Variants in MSRA observed in about 807,000 individuals in gnomAD.
MSRA encodes the protein mitochondrial peptide methionine sulfoxide reductase.
MSRA carries 54 observed loss-of-function variants against 31.3 expected under a neutral mutation model. The ratio of observed to expected loss-of-function variants is 1.73; its 90% CI spans 1.39 to 2.17. The LOEUF is 2.17. Among genes scored for constraint, MSRA ranks in the 30% most tolerant of loss-of-function variants. The probability of loss-of-function intolerance (pLI) is 0.00; values close to 1 mark genes in which losing one functional copy is unlikely to be tolerated. For missense variants in MSRA, 507 were observed against 300.9 expected (o/e 1.69, Z -5.07); for synonymous variants, 169 against 116.5 (o/e 1.45, Z -2.90).
At chr8:10,165,721 T>G (rs1805066971) in intron 1 of MSRA, among the ~76,000 whole-genome samples, 1 of 152,216 alleles carries the variant, frequency 6.6e-6, no homozygotes, top group African/African-American at 2.4e-5. Flanking sequence ...ACATTGTAGC[T>G]GGAATCTGAG....
chr8:10,096,386 T>C (rs2128929989), intron 1 of MSRA: 1 of 748,758 alleles, frequency 1.3e-6, no homozygotes, highest in Non-Finnish European at 1.6e-6. Context: ...GGTGGGGAGG[T>C]GTCTATGTCT....
chr8:10,169,349 G>T (rs529774297), intron 1 of MSRA, among the ~76,000 whole-genome samples: 2 of 152,326 alleles, frequency 1.3e-5, no homozygotes, highest in South Asian at 4.1e-4. Context: ...GTATTCAGCT[G>T]TGTGAGTATG....
chr8:10,136,857 CT>C (rs1213746216), intron 1 of MSRA, among the ~76,000 whole-genome samples: 1 of 152,314 alleles, frequency 6.6e-6, no homozygotes, highest in East Asian at 1.9e-4. Context: ...AAAATTAGAA[CT>C]TGTGTCTTCT....
At chr8:10,211,312 A>C (rs1809473760) in intron 2 of MSRA, among the ~76,000 whole-genome samples, 1 of 152,160 alleles carries the variant, frequency 6.6e-6, no homozygotes, top group Non-Finnish European at 1.5e-5. Context: ...AGATTTTCTT[A>C]TGTAGCCCAA....
rs565209865 is a variant in MSRA, at chr8:10,391,634, C to T, written c.544-36514C>T. 2.6e-5 allele frequency among the ~76,000 whole-genome samples: 4 copies of T among 152,322 alleles called. No individual in the cohort carries two copies. In the South Asian group the frequency reaches 8.3e-4, roughly 32 times the overall value. On this transcript the variant is annotated intron_variant, in intron 5 of 5. Coordinates refer to ENST00000317173, the MANE Select transcript of MSRA (RefSeq NM_012331.5). ...AGGATACTGGGTGAGTTCCCTGGGC[C>T]ACACACTGGCCATCTGACCTGAGGC...
chr8:10,340,131 C>T (rs1007371600), intron 5 of MSRA, among the ~76,000 whole-genome samples: 7 of 152,128 alleles, frequency 4.6e-5, no homozygotes, highest in African/African-American at 1.7e-4. Context: ...GAGGCAGCCG[C>T]TTGAGACCAC....
At chr8:10,404,540 G>A (rs1051223270) in intron 5 of MSRA, among the ~76,000 whole-genome samples, 8 of 152,224 alleles carry the variant, frequency 5.3e-5, no homozygotes, top group East Asian at 3.9e-4. Flanking sequence ...CCGGGCGGCC[G>A]CTCCCTCCCT....
At chr8:10,279,987 T>A (rs1799532893) in intron 3 of MSRA, among the ~76,000 whole-genome samples, 1 of 152,252 alleles carries the variant, frequency 6.6e-6, no homozygotes, top group South Asian at 2.1e-4. Flanking sequence ...AAACATGTTT[T>A]TAACTTACAA....
At chr8:10,395,740 A>C (rs1048545056) in intron 5 of MSRA, among the ~76,000 whole-genome samples, 1 of 152,218 alleles carries the variant, frequency 6.6e-6, no homozygotes, top group Non-Finnish European at 1.5e-5. Flanking sequence ...TTTCAGCACC[A>C]GACACTGGGA....
intron 2 of MSRA, among the ~76,000 whole-genome samples, chr8:10,231,361 G>T (rs1274405971): frequency 6.6e-6 from 1 of 152,226 alleles, no homozygotes; most frequent in East Asian, 1.9e-4. Flanking sequence ...TTCTGTGAAG[G>T]ATCTAGGAAA....
At chr8:10,308,869 A>G (rs988573645) in intron 4 of MSRA, among the ~76,000 whole-genome samples, 10 of 152,340 alleles carry the variant, frequency 6.6e-5, no homozygotes, top group African/African-American at 2.4e-4. Context: ...AAGCAAAGTC[A>G]GTGATGCCTA....
At chr8:10,402,447 C>T (rs549068290) in intron 5 of MSRA, among the ~76,000 whole-genome samples, 3 of 152,340 alleles carry the variant, frequency 2.0e-5, no homozygotes, top group Admixed American at 2.0e-4. Context: ...CTCCCACTCA[C>T]CCACAGTTTT....
intron 5 of MSRA, among the ~76,000 whole-genome samples, chr8:10,403,089 G>A (rs140612085): frequency 3.0e-4 from 45 of 152,318 alleles, no homozygotes; most frequent in African/African-American, 9.9e-4. Flanking sequence ...TCACACGTAC[G>A]AAGCTTGAGA....
intron 1 of MSRA, among the ~76,000 whole-genome samples, chr8:10,189,139 T>A (rs936963469): frequency 1.4e-4 from 22 of 152,238 alleles, no homozygotes; most frequent in African/African-American, 5.1e-4. Context: ...GTAAAGTACT[T>A]CTTTTAAAAA....
chr8:10,241,015 C>T (rs1309171297), intron 2 of MSRA, among the ~76,000 whole-genome samples: 1 of 152,054 alleles, frequency 6.6e-6, no homozygotes, highest in Admixed American at 6.6e-5. Context: ...GTGCATGATT[C>T]CCGATGTACA....
At chr8:10,337,835 G>T in intron 5 of MSRA, 1 of 702,140 alleles carries the variant, frequency 1.4e-6, no homozygotes, top group Non-Finnish European at 2.6e-6. Context: ...GCAGCAAGGT[G>T]CCTTCTTTCT....
chr8:10,240,913 G>A (rs753680655), intron 2 of MSRA, among the ~76,000 whole-genome samples: 46 of 152,046 alleles, frequency 3.0e-4, no homozygotes, highest in South Asian at 6.2e-4. Context: ...CCGTAGGTGC[G>A]AAGTGAGGGA....
At chr8:10,134,666 G>A (rs1339510308) in intron 1 of MSRA, among the ~76,000 whole-genome samples, 13 of 152,212 alleles carry the variant, frequency 8.5e-5, no homozygotes, top group African/African-American at 1.7e-4. Flanking sequence ...ATCAGAACTC[G>A]GAAGCCTGGT....
chr8:10,102,066 C>T (rs912789944), intron 1 of MSRA, among the ~76,000 whole-genome samples: 4 of 152,144 alleles, frequency 2.6e-5, no homozygotes, highest in Admixed American at 6.5e-5. Context: ...CAAAATCTTG[C>T]TGTGTCCTTA....
Sources: gnomAD v4.1 joint callset for allele counts (sites outside exome capture counted in the v4.1 genomes callset) on GRCh38, gnomAD v4.1.1 for gene constraint, MANE v1.5 for transcripts, NCBI Gene and HGNC (gene_info 2026-07-23, HGNC 2026-07-21) for gene names.